ATE1: variants seen among roughly 807,000 people sequenced by gnomAD.
ATE1 encodes the protein arginyl-tRNA--protein transferase 1.
ATE1 carries 36 observed loss-of-function variants against 70.5 expected under a neutral mutation model. That is an observed-to-expected ratio of 0.51 (90% CI 0.39 to 0.67). The LOEUF (loss-of-function observed/expected upper bound fraction) is 0.67, where lower values mean the gene tolerates loss of function less well. Ranked by LOEUF, ATE1 falls within the 30% of genes least tolerant of loss-of-function variation. The pLI, the probability that ATE1 is intolerant of heterozygous loss-of-function variation, is 0.00. For missense variants in ATE1, 593 were observed against 629.5 expected (o/e 0.94, Z 0.62); for synonymous variants, 232 against 219.3 (o/e 1.06, Z -0.51).
At chr10:121,777,355 T>G (rs1945790771) in intron 11 of ATE1, among the ~76,000 whole-genome samples, 1 of 152,186 alleles carries the variant, frequency 6.6e-6, no homozygotes, top group African/African-American at 2.4e-5. Context: ...TCATGAGCAA[T>G]ATCTAAAATT....
At chr10:121,823,783 T>C (rs1947898158) in intron 10 of ATE1, among the ~76,000 whole-genome samples, 1 of 152,206 alleles carries the variant, frequency 6.6e-6, no homozygotes, top group Non-Finnish European at 1.5e-5. Flanking sequence ...GTACTTGAAT[T>C]CCCCTTAAAA....
At chr10:121,859,052 A>T (rs143613037) in intron 8 of ATE1, among the ~76,000 whole-genome samples, 5,008 of 151,910 alleles carry the variant, frequency 0.033, 151 homozygotes, top group African/African-American at 0.082. Context: ...CTGAGATCGC[A>T]CCATTGCACT....
At position 121,927,901 on chromosome 10, in the gene ATE1, T is replaced by G; in HGVS notation, c.49A>C (p.Ser17Arg). 1.3e-6 allele frequency: 2 copies of G among 1,592,534 alleles called. No homozygotes were observed. The highest frequency in any genetic ancestry group is 1.7e-6 in the Non-Finnish European group (2 of 1,172,172). The change falls in exon 1 of 12, where the codon AGC becomes CGC. Residue 17 changes from serine (S) to arginine (R), a missense_variant. Transcript: ENST00000224652. ...GSPSVVDYFP[S>R]EDFYRCGYCK... ...TAGCCGCAGCGGTAGAAGTCCTCGC[T>G]AGGGAAATAGTCCACGACGCTGGGC...
At chr10:121,910,870 C>T (rs1178922423) in intron 5 of ATE1, 36 bp downstream of exon 5, 1 of 1,612,294 alleles carries the variant, frequency 6.2e-7, no homozygotes, top group Admixed American at 1.7e-5. Flanking sequence ...AAAAGCAAAG[C>T]CGTGAATATG....
chr10:121,896,969 T>A (rs1950806634), intron 7 of ATE1, among the ~76,000 whole-genome samples: 2 of 150,116 alleles, frequency 1.3e-5, no homozygotes, highest in South Asian at 4.3e-4. Context: ...TGCATTTTGC[T>A]AGTCCTGCTG....
intron 11 of ATE1, among the ~76,000 whole-genome samples, chr10:121,752,661 T>C (rs915688392): frequency 2.6e-5 from 4 of 152,218 alleles, no homozygotes; most frequent in Non-Finnish European, 4.4e-5. Flanking sequence ...GGCTGTATCC[T>C]TTTCCCTGAA....
chr10:121,816,822 C>G (rs994413580), intron 10 of ATE1, among the ~76,000 whole-genome samples: 4 of 152,228 alleles, frequency 2.6e-5, no homozygotes, highest in African/African-American at 9.6e-5. Context: ...CTGAACGTGA[C>G]TGATTTCATC....
intron 7 of ATE1, among the ~76,000 whole-genome samples, chr10:121,882,651 A>G (rs1950263616): frequency 6.6e-6 from 1 of 152,200 alleles, no homozygotes; most frequent in African/African-American, 2.4e-5. Context: ...TGTCAACAAT[A>G]TCCTGACCCA....
At chr10:121,760,289 C>T in intron 11 of ATE1, among the ~76,000 whole-genome samples, 1 of 152,214 alleles carries the variant, frequency 6.6e-6, no homozygotes, top group Non-Finnish European at 1.5e-5. Flanking sequence ...AAGGCTATAG[C>T]TACCATAAAA....
At chr10:121,826,364 G>A (rs1245917892) in intron 10 of ATE1, among the ~76,000 whole-genome samples, 1 of 152,104 alleles carries the variant, frequency 6.6e-6, no homozygotes, top group East Asian at 1.9e-4. Flanking sequence ...GGAGTGCAGT[G>A]GCGCAATCTC....
intron 11 of ATE1, among the ~76,000 whole-genome samples, chr10:121,758,879 T>C (rs1288225386): frequency 6.6e-6 from 1 of 152,212 alleles, no homozygotes; most frequent in African/African-American, 2.4e-5. Flanking sequence ...CCATGTAAGA[T>C]GGCAAACTTA....
At position 121,865,324 on chromosome 10, in the gene ATE1, T is replaced by A. The variant is rs538198587; in HGVS notation, c.975+4682A>T. ...AAATGAAGGAACAGAAGGACACACC[T>A]GAAGAGAAACCTAGGTGACCTACAT... On this transcript the variant is annotated intron_variant, in intron 8 of 11. Transcript: ENST00000224652. Among the ~76,000 whole-genome samples the A allele has an allele frequency of 8.5e-5, 13 of 152,324 alleles. 1 individual carries two copies. The highest frequency in any genetic ancestry group is 3.1e-4 in the African/African-American group (13 of 41,574).
chr10:121,896,960 G>C (rs1487799527), intron 7 of ATE1, among the ~76,000 whole-genome samples: 1 of 27,762 alleles, frequency 3.6e-5, no homozygotes, highest in Non-Finnish European at 1.0e-4. Flanking sequence ...CCACACCTCT[G>C]CATTTTGCTA....
intron 8 of ATE1, among the ~76,000 whole-genome samples, chr10:121,855,098 G>A (rs563955749): frequency 1.3e-5 from 2 of 152,140 alleles, no homozygotes; most frequent in Admixed American, 1.3e-4. Context: ...AGATGAGGGG[G>A]CATTCTTATA....
Position 121,911,037 on chromosome 10 carries a change from A to G in ATE1, c.452T>C (p.Leu151Ser), listed in dbSNP as rs1461640488. 7 of 1,613,920 alleles carry G rather than the reference A, an allele frequency of 4.3e-6. No individual in the cohort carries two copies. Among genetic ancestry groups the G allele is most frequent in the African/African-American group, 1.3e-5 (1 of 75,006 alleles). Residue 151 changes from leucine (L) to serine (S), a missense_variant, in exon 5 of 12, where the codon TTA becomes TCA. Physicochemically the swap from Leu to Ser is moderately radical, Grantham distance 145. Coordinates refer to ENST00000224652, the MANE Select transcript of ATE1 (RefSeq NM_001001976.3). ...KTLSDDIKES[L>S]ESEGKNSKKE... Reference sequence around the variant, plus strand: ...CTTTGAATTTTTTCCTTCACTCTCTAAACTCTCTTTGATGTCATCACTGAG... The same window carrying G: ...CTTTGAATTTTTTCCTTCACTCTCTGAACTCTCTTTGATGTCATCACTGAG...
At chr10:121,762,975 C>A (rs893671618) in intron 11 of ATE1, among the ~76,000 whole-genome samples, 2 of 152,072 alleles carry the variant, frequency 1.3e-5, no homozygotes, top group Non-Finnish European at 2.9e-5. Context: ...TTTCCAAGAA[C>A]CTATTGATGA....
chr10:121,906,493 C>T, intron 5 of ATE1, among the ~76,000 whole-genome samples: 1 of 151,782 alleles, frequency 6.6e-6, no homozygotes, highest in Non-Finnish European at 1.5e-5. Context: ...CGTGTCACTA[C>T]ACTCCAGCCT....
At chr10:121,803,382 T>A (rs529037654) in intron 10 of ATE1, among the ~76,000 whole-genome samples, 1 of 152,300 alleles carries the variant, frequency 6.6e-6, no homozygotes, top group African/African-American at 2.4e-5. Context: ...ATAGAAAAGT[T>A]AAGTGACTTG....
chr10:121,753,420 A>T (rs1422922345), intron 11 of ATE1, among the ~76,000 whole-genome samples: 3 of 152,242 alleles, frequency 2.0e-5, no homozygotes, highest in Non-Finnish European at 4.4e-5. Flanking sequence ...CAAAAGTCAC[A>T]TAACAAAATA....
Sources: gnomAD v4.1 joint callset for allele counts (sites outside exome capture counted in the v4.1 genomes callset) on GRCh38, gnomAD v4.1.1 for gene constraint, MANE v1.5 for transcripts, NCBI Gene and HGNC (gene_info 2026-07-23, HGNC 2026-07-21) for gene names.